TMEM258: variants seen among roughly 807,000 people sequenced by gnomAD.
TMEM258 encodes dolichyl-diphosphooligosaccharide--protein glycosyltransferase subunit TMEM258.
TMEM258 carries 11 observed loss-of-function variants against 9.9 expected under a neutral mutation model. The ratio of observed to expected loss-of-function variants is 1.11; its 90% confidence interval spans 0.70 to 1.85. TMEM258 has a LOEUF of 1.85. Among genes scored for constraint, TMEM258 ranks in the 40% most tolerant of loss-of-function variants. The pLI, the probability that TMEM258 is intolerant of heterozygous loss-of-function variation, is 0.00. For synonymous variants in TMEM258, 40 were observed against 39.1 expected (o/e 1.02, Z -0.09); for missense variants, 81 against 99.7 (o/e 0.81, Z 0.80).
At chr11:61,789,726 G>A (rs910343455) in intron 3 of TMEM258, 59 bp downstream of exon 3, 372 of 1,531,098 alleles carry the variant, frequency 2.4e-4, no homozygotes, top group South Asian at 7.2e-4. Flanking sequence ...CTGACTCTGG[G>A]GAGGCTTCCC....
In TMEM258 at chr11:61,789,845, T is replaced by C. The variant is rs762784180; in HGVS notation, c.190A>G (p.Met64Val). The change falls in exon 3 of 4, where the codon ATG becomes GTG. Residue 64 changes from methionine (M) to valine (V), a missense_variant. Transcript: ENST00000537328. ...LLISLVASLF[M>V]GFGVLFLLLW... ...AGCAGGAAGAGGACTCCAAAGCCCA[T>C]GAAGAGTGAGGCCACTAAGGAGATG... The C allele has an allele frequency of 5.0e-6, 8 of 1,613,806 alleles. No individual in the cohort carries two copies. Among genetic ancestry groups the C allele is most frequent in the Non-Finnish European group, 6.8e-6 (8 of 1,179,854 alleles).
At position 61,789,773 on chromosome 11, in the gene TMEM258, T is replaced by C. The variant is rs1345848585; in HGVS notation, c.*10+12A>G. On this transcript the variant is annotated intron_variant, in intron 3 of 3. Transcript: ENST00000537328. ...TTGGAGGCTCACGCATCCATCCCAT[T>C]GCAGCTCTTACCCTTGGGTGCTCAC... 1.2e-6 allele frequency: 2 copies of C among 1,604,088 alleles called. No individual in the cohort carries two copies. The highest frequency in any genetic ancestry group is 1.1e-5 in the South Asian group (1 of 89,612).
Position 61,790,557 on chromosome 11 carries a change from C to T in TMEM258, c.49G>A (p.Val17Ile), listed in dbSNP as rs754682960. Residue 17 changes from valine (V) to isoleucine (I), a missense_variant, in exon 2 of 4, where the codon GTC becomes ATC. Transcript: ENST00000537328. The stretch of plus-strand genomic sequence containing the variant: ...AGCACCACGGTCAGATGGGGGAAGA[C>T]AGCTGGGTTCACTGGGCTGGTATAT... The part of the protein sequence containing the change: ...SRYTSPVNPA[V>I]FPHLTVVLLA... 4 of 1,614,154 alleles carry T rather than the reference C, an allele frequency of 2.5e-6. No individual in the cohort carries two copies. The highest frequency in any genetic ancestry group is 2.2e-5 in the South Asian group (2 of 91,078).
intron 1 of TMEM258, among the ~76,000 whole-genome samples, chr11:61,791,208 G>A (rs1250358132): frequency 1.3e-5 from 2 of 151,458 alleles, no homozygotes; most frequent in Non-Finnish European, 2.9e-5. Context: ...TGCCTGCCTC[G>A]GCCTCCCAAA....
Position 61,789,808 on chromosome 11 carries a change from C to T in TMEM258, c.227G>A (p.Gly76Asp). ...FGVLFLLLWV[G>D]IYV is the part of the protein sequence containing the mutation. ...ACCCTTGGGTGCTCACACGTAGATG[C>T]CAACCCAGAGCAGCAGGAAGAGGAC... The change falls in exon 3 of 4, where the codon GGC becomes GAC. Residue 76 changes from glycine to aspartate, a missense_variant. Gly to Asp is a moderately conservative substitution (Grantham distance 94). Transcript: ENST00000537328. 6.2e-7 allele frequency: 1 copy of T among 1,612,820 alleles called. No individual in the cohort carries two copies. The highest frequency in any genetic ancestry group is 8.5e-7 in the Non-Finnish European group (1 of 1,179,422).
rs574200575 is a variant in TMEM258, at chr11:61,791,021, G to A, written c.4-419C>T. ...GGCTGGAGGGCAGTGGCACGATCTC[G>A]GCTCACTGCAACCTCTGCCTCCCGG... On this transcript the variant is annotated intron_variant, in intron 1 of 3. Transcript: ENST00000537328. Among the ~76,000 whole-genome samples the A allele has an allele frequency of 1.2e-4, 18 of 151,660 alleles. No homozygotes were observed. In the South Asian group the frequency reaches 2.9e-3, roughly 25 times the overall value.
chr11:61,791,494 C>T (rs1244476179), intron 1 of TMEM258: 1 of 152,020 alleles, frequency 6.6e-6, no homozygotes, highest in African/African-American at 2.4e-5. Flanking sequence ...GAACTTCTGA[C>T]CTCCTGATCC....
At chr11:61,792,473 G>C (rs1374745189) in intron 1 of TMEM258, 83 bp downstream of exon 1, 2 of 1,586,826 alleles carry the variant, frequency 1.3e-6, no homozygotes, top group African/African-American at 2.7e-5. Context: ...TGGATCTCCG[G>C]CGTCTGAGGA....
rs900702775 is a variant in TMEM258, at chr11:61,789,176, G to C, written c.*70C>G. 1 of 152,790 alleles carries C rather than the reference G, an allele frequency of 6.5e-6. No individual in the cohort carries two copies. Among genetic ancestry groups the C allele is most frequent in the African/African-American group, 2.4e-5 (1 of 41,440 alleles). The allele number at this position is 152,790 out of a possible 1,614,324, so 9.5% of individuals were successfully genotyped here. ...ATGAGCAGCAGGTGGGACACTTCCA[G>C]CAACAGTAAAAAAAAGTAATTTACA... is the stretch of plus-strand genomic sequence containing the variant. On this transcript the variant is annotated 3_prime_UTR_variant, in exon 4 of 4. Coordinates refer to ENST00000537328, the MANE Select transcript of TMEM258 (RefSeq NM_014206.4).
chr11:61,789,638 T>C, intron 3 of TMEM258, 147 bp downstream of exon 3: 1 of 898,086 alleles, frequency 1.1e-6, no homozygotes, highest in East Asian at 2.8e-5. Context: ...AAATGTCTAG[T>C]GTCCCTACCC....
rs1346914155 is a variant in TMEM258 at position 61,789,901 on chromosome 11, T to C, written c.134A>G (p.Lys45Arg). The C allele has an allele frequency of 1.9e-6, 3 of 1,613,266 alleles. No homozygotes were observed. The highest frequency in any genetic ancestry group is 1.3e-5 in the African/African-American group (1 of 74,912). The part of the protein sequence containing the change: ...WFFVYEVTST[K>R]YTRDIYKELL... Reference sequence around the variant, plus strand: ...CTCTTTATAGATATCACGAGTGTACTTGGTAGAGGTGACCTCGTAACTGGG... The same window carrying C: ...CTCTTTATAGATATCACGAGTGTACCTGGTAGAGGTGACCTCGTAACTGGG... The change falls in exon 3 of 4, where the codon AAG (lysine) becomes AGG (arginine). Residue 45 changes from lysine (K) to arginine (R), a missense_variant. Coordinates refer to ENST00000537328, the MANE Select transcript of TMEM258 (RefSeq NM_014206.4).
Position 61,789,914 on chromosome 11 carries a change from C to A in TMEM258, c.121G>T (p.Val41Phe). Residue 41 changes from valine (V) to phenylalanine (F), a missense_variant, in exon 3 of 4, where the codon GTC becomes TTC. Val to Phe is a conservative substitution (Grantham distance 50, BLOSUM62 -1). Transcript: ENST00000537328. ...TCACGAGTGTACTTGGTAGAGGTGA[C>A]CTCGTAACTGGGCACAGCAGTTAAG... is the stretch of plus-strand genomic sequence containing the variant. ...FFTAWFFVYEVTSTKYTRDIY... is the reference protein window; with the variant it reads ...FFTAWFFVYEFTSTKYTRDIY... The A allele has an allele frequency of 6.2e-7, 1 of 1,613,010 alleles. No homozygotes were observed. The highest frequency in any genetic ancestry group is 8.5e-7 in the Non-Finnish European group (1 of 1,179,478).
At chr11:61,789,715 C>A in intron 3 of TMEM258, 70 bp downstream of exon 3, 2 of 1,508,630 alleles carry the variant, frequency 1.3e-6, no homozygotes, top group Non-Finnish European at 1.8e-6. Flanking sequence ...ACCCTGCTGA[C>A]CTGACTCTGG....
Position 61,789,856 on chromosome 11 carries a change from G to A in TMEM258, c.179C>T (p.Ala60Val), listed in dbSNP as rs2066769076. 2 of 1,613,554 alleles carry A rather than the reference G, an allele frequency of 1.2e-6. No individual in the cohort carries two copies. Among genetic ancestry groups the A allele is most frequent in the Non-Finnish European group, 8.5e-7 (1 of 1,179,784 alleles). Reference sequence around the variant, plus strand: ...GACTCCAAAGCCCATGAAGAGTGAGGCCACTAAGGAGATGAGGAGCTCTTT... The same window carrying A: ...GACTCCAAAGCCCATGAAGAGTGAGACCACTAAGGAGATGAGGAGCTCTTT... ...IYKELLISLV[A>V]SLFMGFGVLF... The change falls in exon 3 of 4, where the codon GCC (alanine) becomes GTC (valine). Residue 60 changes from alanine (A) to valine (V), a missense_variant. Ala to Val is a moderately conservative substitution (Grantham distance 64, BLOSUM62 0). Transcript: ENST00000537328.
intron 2 of TMEM258, 132 bp downstream of exon 2, chr11:61,790,361 C>T: frequency 2.5e-6 from 2 of 812,936 alleles, no homozygotes; most frequent in Middle Eastern, 2.5e-4. Context: ...CACTAGCCCT[C>T]CTCTCCTCCT....
Position 61,792,538 on chromosome 11 carries a change from T to G in TMEM258, c.3+18A>C, listed in dbSNP as rs1565314670. The G allele has an allele frequency of 6.2e-7, 1 of 1,613,832 alleles. No individual in the cohort carries two copies. Among genetic ancestry groups the G allele is most frequent in the East Asian group, 2.2e-5 (1 of 44,874 alleles). On this transcript the variant is annotated intron_variant, in intron 1 of 3. Transcript: ENST00000537328. Reference sequence around the variant, plus strand: ...GGGTCCTCGCATCTCCGTCTGGAACTCCCCTCAACGCTCTCACCATTTTGC... The same window carrying G: ...GGGTCCTCGCATCTCCGTCTGGAACGCCCCTCAACGCTCTCACCATTTTGC...
chr11:61,790,355 A>G, intron 2 of TMEM258, 138 bp downstream of exon 2: 1 of 775,682 alleles, frequency 1.3e-6, no homozygotes, highest in Non-Finnish European at 2.2e-6. Flanking sequence ...GGGCATCACT[A>G]GCCCTCCTCT....
At chr11:61,792,534 G>A (rs928801814) in intron 1 of TMEM258, 22 bp downstream of exon 1, 2 of 1,613,956 alleles carry the variant, frequency 1.2e-6, no homozygotes. Context: ...TCTCCGTCTG[G>A]AACTCCCCTC....
Position 61,790,336 on chromosome 11 carries a change from C to A in TMEM258, c.113+157G>T, listed in dbSNP as rs1055135006. The A allele has an allele frequency of 4.9e-5, 34 of 697,574 alleles. 1 individual carries two copies. The East Asian group carries it at 6.8e-4, about 14-fold the overall frequency. 43.2% of individuals were successfully genotyped at this position (697,574 alleles called of 1,614,324 possible). A position where few individuals can be genotyped will look rare whatever the true frequency, so the allele number is the denominator to read the frequency against. On this transcript the variant is annotated intron_variant, in intron 2 of 3. Coordinates refer to ENST00000537328, the MANE Select transcript of TMEM258 (RefSeq NM_014206.4). ...CTGAACTTGGGAAATAAGGCTATAA[C>A]CTGCCCCTGGGCATCACTAGCCCTC... is the stretch of plus-strand genomic sequence containing the variant.
Sources: gnomAD v4.1 joint callset for allele counts (sites outside exome capture counted in the v4.1 genomes callset) on GRCh38, gnomAD v4.1.1 for gene constraint, MANE v1.5 for transcripts, NCBI Gene and HGNC (gene_info 2026-07-23, HGNC 2026-07-21) for gene names.